The following GPHN variants were observed in gnomAD, a reference collection of about 807,000 sequenced individuals.
GPHN encodes the protein gephyrin.
Under a neutral mutation model 95.5 loss-of-function variants are expected in GPHN, and 17 were observed. The observed-to-expected ratio is 0.18, with a 90% CI of 0.12 to 0.27. GPHN has a LOEUF of 0.27. Among genes scored for constraint, GPHN ranks in the 10% least tolerant of loss-of-function variants. The pLI is 1.00. For synonymous variants in GPHN, 320 were observed against 322.5 expected (o/e 0.99, Z 0.08); for missense variants, 660 against 978.1 (o/e 0.67, Z 4.34).
rs1174329867 is a variant in GPHN at position 67,181,461 on chromosome 14, C to G, written c.*524C>G. ...ACTGGGTGGAGGCTCTGCCTTGCCTCAAGAACCATCCCCTGCAGAGCATCC... is the reference window on the plus strand; with the variant it reads ...ACTGGGTGGAGGCTCTGCCTTGCCTGAAGAACCATCCCCTGCAGAGCATCC... On this transcript the variant is annotated 3_prime_UTR_variant, in exon 23 of 23. Coordinates refer to ENST00000478722, the MANE Select transcript of GPHN (RefSeq NM_020806.5). 7.7e-6 allele frequency: 4 copies of G among 519,264 alleles called. No homozygotes were observed. Among genetic ancestry groups the G allele is most frequent in the African/African-American group, 3.8e-5 (2 of 52,900 alleles). The allele number at this position is 519,264 out of a possible 1,614,324, so 32.2% of individuals were successfully genotyped here. A position where few individuals can be genotyped will look rare whatever the true frequency, so the allele number is the denominator to read the frequency against.
chr14:66,791,529 G>A (rs1212909917), intron 3 of GPHN, among the ~76,000 whole-genome samples: 2 of 152,230 alleles, frequency 1.3e-5, no homozygotes, highest in Non-Finnish European at 2.9e-5. Flanking sequence ...TCCAAGAAAA[G>A]GGGAGGCAAT....
At chr14:66,910,104 T>C (rs1048886203) in intron 5 of GPHN, among the ~76,000 whole-genome samples, 1 of 151,892 alleles carries the variant, frequency 6.6e-6, no homozygotes, top group Non-Finnish European at 1.5e-5. Context: ...CTATGCAGAA[T>C]CGACCCTCTA....
intron 2 of GPHN, among the ~76,000 whole-genome samples, chr14:66,734,908 C>T (rs1439545085): frequency 6.6e-6 from 1 of 152,074 alleles, no homozygotes; most frequent in East Asian, 1.9e-4. Flanking sequence ...TAATTCAGTT[C>T]AACAGATAAT....
chr14:66,972,374 T>C (rs1350388074), intron 9 of GPHN, among the ~76,000 whole-genome samples: 1 of 152,008 alleles, frequency 6.6e-6, no homozygotes, highest in East Asian at 1.9e-4. Context: ...TTTGTTTATT[T>C]TTGAGAAAAT....
chr14:66,528,106 T>C (rs1269076907), intron 1 of GPHN, among the ~76,000 whole-genome samples: 1 of 152,218 alleles, frequency 6.6e-6, no homozygotes, highest in Non-Finnish European at 1.5e-5. Flanking sequence ...AGTCTAAGTC[T>C]CTGTAGGTCT....
At chr14:67,605,339 T>C in the GPHN span, among the ~76,000 whole-genome samples, 1 of 152,144 alleles carries the variant, frequency 6.6e-6, no homozygotes, top group Non-Finnish European at 1.5e-5. Flanking sequence ...ACATTAAAAA[T>C]TTATTAACTC....
At chr14:66,864,665 C>T (rs1006463692) in intron 4 of GPHN, among the ~76,000 whole-genome samples, 2 of 151,930 alleles carry the variant, frequency 1.3e-5, no homozygotes, top group African/African-American at 2.4e-5. Context: ...CCCAGTTACT[C>T]GGGAGGCTGA....
At chr14:66,850,945 TTGTTA>T (rs1363925631) in intron 4 of GPHN, among the ~76,000 whole-genome samples, 1 of 152,110 alleles carries the variant, frequency 6.6e-6, no homozygotes, top group Non-Finnish European at 1.5e-5. Context: ...TGTAATATAA[TTGTTA>T]TGTTAATATA....
chr14:66,898,807 A>T (rs1206137551), intron 5 of GPHN, among the ~76,000 whole-genome samples: 3 of 151,958 alleles, frequency 2.0e-5, no homozygotes, highest in African/African-American at 7.2e-5. Flanking sequence ...TTAAATCTGG[A>T]TGTAAATTTG....
chr14:66,756,043 G>A (rs2058543778), intron 2 of GPHN, among the ~76,000 whole-genome samples: 1 of 152,092 alleles, frequency 6.6e-6, no homozygotes, highest in Non-Finnish European at 1.5e-5. Context: ...CACAAAGATT[G>A]TCTATCTTAT....
At chr14:66,515,379 G>T (rs1241999756) in intron 1 of GPHN, among the ~76,000 whole-genome samples, 1 of 152,108 alleles carries the variant, frequency 6.6e-6, no homozygotes, top group Non-Finnish European at 1.5e-5. Flanking sequence ...TAGGGTAGAT[G>T]GAGTGAAGTT....
the GPHN span, chr14:67,574,363 G>C: frequency 1.3e-5 from 21 of 1,592,682 alleles, no homozygotes; most frequent in Non-Finnish European, 1.8e-5. The surrounding 1 kb of genome is among the most constrained non-coding windows in gnomAD (Gnocchi z 4.2). Flanking sequence ...GCTCTGCTTC[G>C]GGGTGGCACC....
intron 18 of GPHN, among the ~76,000 whole-genome samples, chr14:67,152,473 G>A (rs899732431): frequency 2.4e-5 from 3 of 123,328 alleles, no homozygotes; most frequent in Admixed American, 1.6e-4. Context: ...ACTCAACAAC[G>A]AGCAAATAAG....
At chr14:67,312,766 G>A in the GPHN span, 1 of 1,300,976 alleles carries the variant, frequency 7.7e-7, no homozygotes, top group Non-Finnish European at 1.0e-6. Context: ...GAAAATGCAA[G>A]CCTTCACAAA....
At chr14:66,812,895 C>G (rs1226010129) in intron 3 of GPHN, among the ~76,000 whole-genome samples, 4 of 152,048 alleles carry the variant, frequency 2.6e-5, no homozygotes, top group African/African-American at 9.7e-5. Flanking sequence ...TAGAAATATT[C>G]AAGATTTTAC....
chr14:67,334,716 GTC>G, the GPHN span: 1 of 152,168 alleles, frequency 6.6e-6, no homozygotes, highest in East Asian at 1.9e-4. Context: ...ATACACTACT[GTC>G]TCTTCAGATC....
At chr14:67,701,126 G>A in the GPHN span, among the ~76,000 whole-genome samples, 46 of 151,418 alleles carry the variant, frequency 3.0e-4, 1 homozygote, top group African/African-American at 1.1e-3. Flanking sequence ...ATCTTTTTAA[G>A]GGTATAAAGA....
intron 1 of GPHN, among the ~76,000 whole-genome samples, chr14:66,607,439 A>C (rs1302917139): frequency 2.0e-5 from 3 of 149,220 alleles, no homozygotes; most frequent in Non-Finnish European, 4.5e-5. Context: ...TTCATTTGGG[A>C]TATTGGCCTG....
chr14:67,083,252 G>A (rs879264037), intron 11 of GPHN, among the ~76,000 whole-genome samples: 2 of 151,184 alleles, frequency 1.3e-5, no homozygotes, highest in African/African-American at 2.4e-5. Context: ...CAAATCTCAC[G>A]TTGAAATGTA....
Sources: allele counts gnomAD v4.1 joint callset (sites outside exome capture counted in the v4.1 genomes callset), GRCh38; gene constraint gnomAD v4.1.1; non-coding constraint Gnocchi (gnomAD v3.1); transcripts MANE v1.5; gene names NCBI Gene and HGNC (gene_info 2026-07-23, HGNC 2026-07-21).